SYNPO2: variants seen among roughly 807,000 people sequenced by gnomAD.
SYNPO2 encodes synaptopodin 2, also known as synaptopodin-2.
In SYNPO2, 56 loss-of-function variants were observed where a neutral mutation model predicts 85.0. The ratio of observed to expected loss-of-function variants is 0.66; its 90% confidence interval spans 0.53 to 0.82. SYNPO2 has a LOEUF of 0.82. Among genes scored for constraint, SYNPO2 ranks in the 40% least tolerant of loss-of-function variants. The pLI, the probability that SYNPO2 is intolerant of heterozygous loss-of-function variation, is 0.00. For missense variants in SYNPO2, 1,575 were observed against 1,534.2 expected, an observed-to-expected ratio of 1.03 and a Z score of -0.44; for synonymous variants, 602 against 591.1, an observed-to-expected ratio of 1.02 and a Z score of -0.27.
chr4:119,035,721 G>A (rs1738479986), intron 4 of SYNPO2: 1 of 984,546 alleles, frequency 1.0e-6, no homozygotes, highest in African/African-American at 1.8e-5. Context: ...ATTCTAGAAA[G>A]TGCCGACTTC....
intron 4 of SYNPO2, 30 bp from the exon 5 acceptor site, chr4:119,057,371 G>A (rs1392204980): frequency 6.5e-7 from 1 of 1,533,396 alleles, no homozygotes; most frequent in African/African-American, 1.4e-5. Context: ...CAAAATGAAT[G>A]AGATATATTA....
In SYNPO2 at chr4:119,029,912, T is replaced by C; in HGVS notation, c.1137T>C (p.Ile379=). The C allele has an allele frequency of 1.2e-6, 2 of 1,611,990 alleles. No individual in the cohort carries two copies. Among genetic ancestry groups the C allele is most frequent in the Non-Finnish European group, 1.7e-6 (2 of 1,178,520 alleles). ...AAGCAAAATCTAAATGCAAAAGCATTGCCCTTCTTCTAACGGATGCTCCCA... is the reference window on the plus strand; with the variant it reads ...AAGCAAAATCTAAATGCAAAAGCATCGCCCTTCTTCTAACGGATGCTCCCA... ...VKEAKSKCKS[I]ALLLTDAPNP... Residue 379 remains isoleucine (I), a synonymous_variant, in exon 4 of 5, where the codon ATT becomes ATC. Coordinates refer to ENST00000307142, the MANE Select transcript of SYNPO2 (RefSeq NM_133477.3).
At chr4:118,987,163 C>T (rs1202025245) in intron 1 of SYNPO2, among the ~76,000 whole-genome samples, 1 of 152,124 alleles carries the variant, frequency 6.6e-6, no homozygotes, top group Non-Finnish European at 1.5e-5. Flanking sequence ...CTCAAATTTA[C>T]AGAACAAGTT....
chr4:118,966,630 C>T (rs1261919950), intron 1 of SYNPO2, among the ~76,000 whole-genome samples: 1 of 152,096 alleles, frequency 6.6e-6, no homozygotes, highest in Non-Finnish European at 1.5e-5. Flanking sequence ...AATTATATAG[C>T]TATGTATCAT....
In SYNPO2 at chr4:119,027,015, G is replaced by A. The variant is rs200179576; in HGVS notation, c.646G>A (p.Val216Met). The stretch of plus-strand genomic sequence containing the variant: ...ACATAAGGGCGCTAGTGGCCCTTTA[G>A]TGGCTCTCCCGGGAGCTGAAAAATC... ...ERHKGASGPLVALPGAEKSKS... is the reference protein window; with the variant it reads ...ERHKGASGPLMALPGAEKSKS... Residue 216 changes from valine (V) to methionine (M), a missense_variant, in exon 3 of 5, where the codon GTG becomes ATG. This residue lies in a region of SYNPO2 where 1,508 missense variants were observed against 1,446.8 expected (regional missense o/e 1.04). Transcript: ENST00000307142. The A allele has an allele frequency of 3.8e-5, 61 of 1,614,170 alleles. No individual in the cohort carries two copies. The African/African-American group carries it at 7.6e-4, about 20-fold the overall frequency.
chr4:119,031,771 C>A lies in SYNPO2; in HGVS notation c.2996C>A (p.Ala999Asp). The A allele has an allele frequency of 2.5e-6, 4 of 1,614,196 alleles. No homozygotes were observed. In the South Asian group the frequency reaches 3.3e-5, roughly 13 times the overall value. The change falls in exon 4 of 5, where the codon GCC becomes GAC. Residue 999 changes from alanine to aspartate, a missense_variant. Ala to Asp is a moderately radical substitution (Grantham distance 126). This residue lies in a region of SYNPO2 where 1,508 missense variants were observed against 1,446.8 expected (regional missense o/e 1.04). Transcript: ENST00000307142. ...PQKSSVKVNS[A>D]LAMKQALPPR... is the part of the protein sequence containing the mutation. ...AAGTCATCAGTCAAGGTCAATTCAG[C>A]CCTGGCCATGAAGCAAGCTCTTCCT...
At chr4:119,005,697 A>G (rs968672730) in intron 1 of SYNPO2, among the ~76,000 whole-genome samples, 2 of 152,006 alleles carry the variant, frequency 1.3e-5, no homozygotes, top group African/African-American at 2.4e-5. Flanking sequence ...CTTAGGATTG[A>G]CTTGGTGATG....
At chr4:118,900,701 C>CTCTCTCTCTCTCTA (rs1732711646) in intron 1 of SYNPO2, among the ~76,000 whole-genome samples, 1 of 27,186 alleles carries the variant, frequency 3.7e-5, no homozygotes, top group Non-Finnish European at 9.2e-5. Context: ...CTCTCTCTCT[C>CTCTCTCTCTCTCTA]TCTATATATA....
At chr4:119,016,333 C>T (rs1560982979) in intron 1 of SYNPO2, among the ~76,000 whole-genome samples, 1 of 151,272 alleles carries the variant, frequency 6.6e-6, no homozygotes, top group Non-Finnish European at 1.5e-5. Flanking sequence ...AGGAGTATTG[C>T]TTGAACCTGG....
At chr4:119,029,106 A>G (rs893735384) in intron 3 of SYNPO2, among the ~76,000 whole-genome samples, 1 of 152,124 alleles carries the variant, frequency 6.6e-6, no homozygotes, top group Non-Finnish European at 1.5e-5. Flanking sequence ...TGTATTTCCA[A>G]AATAGCAATA....
At chr4:118,909,961 C>T (rs1254195984) in intron 1 of SYNPO2, among the ~76,000 whole-genome samples, 1 of 152,166 alleles carries the variant, frequency 6.6e-6, no homozygotes, top group Non-Finnish European at 1.5e-5. Context: ...TGATCTCTTC[C>T]ATTTGTTGAA....
Position 119,058,053 on chromosome 4 carries a change from G to A in SYNPO2, c.*119G>A. ...TTTTGGTCTTGGCTTGTTCTCATAA[G>A]TCATTTATCTAAGTTTGTGTTTCTG... On this transcript the variant is annotated 3_prime_UTR_variant, in exon 5 of 5. Coordinates refer to ENST00000307142, the MANE Select transcript of SYNPO2 (RefSeq NM_133477.3). The A allele has an allele frequency of 9.2e-7, 1 of 1,092,538 alleles. No individual in the cohort carries two copies. Among genetic ancestry groups the A allele is most frequent in the South Asian group, 1.7e-5 (1 of 59,236 alleles). The allele number at this position is 1,092,538 out of a possible 1,614,324, so 67.7% of individuals were successfully genotyped here. A position where few individuals can be genotyped will look rare whatever the true frequency, so the allele number is the denominator to read the frequency against.
intron 1 of SYNPO2, among the ~76,000 whole-genome samples, chr4:119,000,274 A>G (rs754118715): frequency 4.6e-5 from 7 of 152,228 alleles, no homozygotes; most frequent in Non-Finnish European, 8.8e-5. Context: ...TTCCTTGTGA[A>G]GGAAAAAGAC....
chr4:118,916,840 C>T (rs1733351808), intron 1 of SYNPO2, among the ~76,000 whole-genome samples: 1 of 149,688 alleles, frequency 6.7e-6, no homozygotes, highest in South Asian at 2.1e-4. Context: ...TCAAGTAATC[C>T]TTCAACTTCA....
intron 1 of SYNPO2, chr4:118,850,992 G>T: frequency 2.5e-6 from 1 of 398,540 alleles, no homozygotes; most frequent in South Asian, 1.3e-4. Flanking sequence ...TCAATCACCT[G>T]AACTCATTAC....
intron 1 of SYNPO2, among the ~76,000 whole-genome samples, chr4:119,018,829 A>G (rs1737614183): frequency 6.6e-6 from 1 of 152,206 alleles, no homozygotes; most frequent in Non-Finnish European, 1.5e-5. Flanking sequence ...TAGCACAAAG[A>G]AATGATAAAT....
chr4:119,035,898 T>G, intron 4 of SYNPO2: 1 of 985,294 alleles, frequency 1.0e-6, no homozygotes, highest in South Asian at 4.7e-5. Context: ...TATTTGCAGT[T>G]ACAAGGTTAA....
chr4:119,028,931 G>A lies in SYNPO2; in HGVS notation c.1070-914G>A, dbSNP rs553259543. On this transcript the variant is annotated intron_variant, in intron 3 of 4. Transcript: ENST00000307142. The stretch of plus-strand genomic sequence containing the variant: ...TGCCACCCATTTCTTTTTTATAATA[G>A]TAATAATGAAAGAAAATTTTAAATA... Among the ~76,000 whole-genome samples the A allele has an allele frequency of 1.0e-3, 153 of 151,534 alleles. 2 individuals are homozygous for A. Among genetic ancestry groups the A allele is most frequent in the African/African-American group, 3.4e-3 (143 of 41,458 alleles).
At chr4:118,925,883 C>T (rs1027547237) in intron 1 of SYNPO2, among the ~76,000 whole-genome samples, 1 of 152,012 alleles carries the variant, frequency 6.6e-6, no homozygotes, top group African/African-American at 2.4e-5. Flanking sequence ...TGACAATTCC[C>T]CAACCTTGAC....
Sources: gnomAD v4.1 joint callset for allele counts (sites outside exome capture counted in the v4.1 genomes callset) on GRCh38, gnomAD v4.1.1 for gene constraint, gnomAD v4.1.1 regional missense constraint, MANE v1.5 for transcripts, NCBI Gene and HGNC (gene_info 2026-07-23, HGNC 2026-07-21) for gene names.